The following SASH3 variants were observed in gnomAD, a reference collection of about 807,000 sequenced individuals.
SASH3 encodes the protein SAM and SH3 domain containing 3, also known as SAM and SH3 domain-containing protein 3.
In SASH3, 7 loss-of-function variants were observed where a neutral mutation model predicts 26.1. The ratio of observed to expected loss-of-function variants is 0.27; its 90% confidence interval spans 0.15 to 0.50. The LOEUF (loss-of-function observed/expected upper bound fraction) is 0.50. SASH3 is among the 20% of genes least tolerant of loss of function. The pLI is 0.98. For synonymous variants in SASH3, 138 were observed against 136.8 expected (o/e 1.01, Z -0.06); for missense variants, 231 against 318.3 (o/e 0.73, Z 2.09).
chrX:129,781,278 G>C (rs1016589208), intron 1 of SASH3, among the ~76,000 whole-genome samples: 1 of 111,991 alleles, frequency 8.9e-6, no homozygotes, highest in African/African-American at 3.3e-5. Context: ...CGGGGCAGTG[G>C]GGTGTGCATC....
In SASH3 at chrX:129,793,867, G is replaced by A. The variant is rs1290357115; in HGVS notation, c.*35G>A. ...GGCAATAGGCCAAGGCTGGGACCCA[G>A]CTGCAAAGGCTGTAGGAGTGGGCCC... On this transcript the variant is annotated 3_prime_UTR_variant, in exon 8 of 8. Transcript: ENST00000356892. 1 of 1,128,610 alleles carries A rather than the reference G, an allele frequency of 8.9e-7. No homozygotes were observed. Among genetic ancestry groups the A allele is most frequent in the East Asian group, 3.3e-5 (1 of 30,571 alleles). 93.0% of individuals were successfully genotyped at this position (1,128,610 alleles called of 1,213,427 possible).
At position 129,790,962 on chromosome X, in the gene SASH3, C is replaced by A; in HGVS notation, c.323C>A (p.Ser108Tyr). ...CAGGCAGACACTCTGGAGGAGGGCTCTGCCTCCCCGACATCTCCAGACTAC... is the reference window on the plus strand; with the variant it reads ...CAGGCAGACACTCTGGAGGAGGGCTATGCCTCCCCGACATCTCCAGACTAC... Reference protein sequence around the residue: ...EEMADTLEEGSASPTSPDYSL... With the variant: ...EEMADTLEEGYASPTSPDYSL... Residue 108 changes from serine (S) to tyrosine (Y), a missense_variant, in exon 4 of 8, where the codon TCT becomes TAT. By Grantham distance (144) the Ser-to-Tyr change is moderately radical (BLOSUM62 -2). Coordinates refer to ENST00000356892, the MANE Select transcript of SASH3 (RefSeq NM_018990.4). 1 of 1,211,634 alleles carries A rather than the reference C, an allele frequency of 8.3e-7. No homozygotes were observed. The highest frequency in any genetic ancestry group is 1.1e-6 in the Non-Finnish European group (1 of 895,362).
chrX:129,794,982 G>C lies in SASH3; in HGVS notation c.*1150G>C, dbSNP rs764362730. 2 of 111,489 alleles carry C rather than the reference G, an allele frequency of 1.8e-5. No individual in the cohort carries two copies. The highest frequency in any genetic ancestry group is 3.8e-5 in the Non-Finnish European group (2 of 53,089). The allele number at this position is 111,489 out of a possible 1,213,427, so 9.2% of individuals were successfully genotyped here. ...TGGGGGCCTCCCTTGACCCCAGTAC[G>C]AAGTCTATGCCCTGAATCCCCAGAG... On this transcript the variant is annotated 3_prime_UTR_variant, in exon 8 of 8. Coordinates refer to ENST00000356892, the MANE Select transcript of SASH3 (RefSeq NM_018990.4).
intron 3 of SASH3, among the ~76,000 whole-genome samples, chrX:129,790,625 G>A (rs1011156535): frequency 9.0e-6 from 1 of 111,219 alleles, no homozygotes; most frequent in African/African-American, 3.3e-5. Context: ...CCAGTTGTGC[G>A]GTAGCAATGG....
rs763181085 is a variant in SASH3, at chrX:129,781,381, G to A, written c.57+1227G>A. Among the ~76,000 whole-genome samples the A allele has an allele frequency of 1.1e-4, 12 of 111,653 alleles. No homozygotes were observed. The South Asian group carries it at 1.1e-3, about 10-fold the overall frequency. ...CTCTAAGGTTGCAGTGGTGGTGGGC[G>A]GGGGAGGGGGGAGGTTCATGAATCT... On this transcript the variant is annotated intron_variant, in intron 1 of 7. Transcript: ENST00000356892.
At chrX:129,784,986 A>G (rs1051762858) in intron 1 of SASH3, among the ~76,000 whole-genome samples, 1 of 110,109 alleles carries the variant, frequency 9.1e-6, no homozygotes, top group Non-Finnish European at 1.9e-5. Flanking sequence ...TTTCAAATGT[A>G]ATATACAATA....
chrX:129,789,912 A>G (rs1469571847), intron 3 of SASH3, among the ~76,000 whole-genome samples: 1 of 111,809 alleles, frequency 8.9e-6, no homozygotes, highest in East Asian at 2.8e-4. Flanking sequence ...ATCAAATTAA[A>G]GAAACTTACA....
At chrX:129,788,137 G>GGGGGGGGGGTGGC in intron 2 of SASH3, 67 bp downstream of exon 2, 1 of 354,270 alleles carries the variant, frequency 2.8e-6, no homozygotes. Context: ...GGGTGGGAGG[G>GGGGGGGGGGTGGC]AAGAGGGTGA....
At chrX:129,781,579 G>A (rs888907388) in intron 1 of SASH3, among the ~76,000 whole-genome samples, 2 of 112,516 alleles carry the variant, frequency 1.8e-5, no homozygotes, top group Non-Finnish European at 3.8e-5. Context: ...CCACAGGGGC[G>A]CTGAGCTGGA....
Position 129,788,560 on chromosome X carries a change from G to T in SASH3, c.283G>T (p.Ala95Ser), listed in dbSNP as rs1185978448. The T allele has an allele frequency of 1.7e-6, 2 of 1,211,840 alleles. No homozygotes were observed. Among genetic ancestry groups the T allele is most frequent in the South Asian group, 1.8e-5 (1 of 57,007 alleles). ...GAAGATGGGCAAGATGATGGTGAAG[G>T]CCCTGTCAGAAGAGATGGTGAGGCC... is the stretch of plus-strand genomic sequence containing the variant. ...NRKMGKMMVK[A>S]LSEEMADTLE... The change falls in exon 3 of 8, where the codon GCC becomes TCC. Residue 95 changes from alanine to serine, a missense_variant. By Grantham distance (99) the Ala-to-Ser change is moderately conservative. Coordinates refer to ENST00000356892, the MANE Select transcript of SASH3 (RefSeq NM_018990.4).
chrX:129,780,543 C>A lies in SASH3; in HGVS notation c.57+389C>A, dbSNP rs1241345699. Among the ~76,000 whole-genome samples the A allele has an allele frequency of 1.8e-5, 2 of 112,865 alleles. 1 individual carries two copies. The highest frequency in any genetic ancestry group is 9.2e-3 in the Middle Eastern group (2 of 218). On this transcript the variant is annotated intron_variant, in intron 1 of 7. Transcript: ENST00000356892. ...TACGCTGGTCCTGCTGCCACTTCTG[C>A]CCCGGCCACGGCCTCTCAGGAGCCA... is the stretch of plus-strand genomic sequence containing the variant.
intron 2 of SASH3, 67 bp downstream of exon 2, chrX:129,788,137 G>GGGGGGGGCTGGC: frequency 1.1e-5 from 4 of 354,270 alleles, no homozygotes; most frequent in East Asian, 6.3e-5. Context: ...GGGTGGGAGG[G>GGGGGGGGCTGGC]AAGAGGGTGA....
chrX:129,788,071 G>A lies in SASH3; in HGVS notation c.153+1G>A. On this transcript the variant is annotated splice_donor_variant, in intron 2 of 7. Coordinates refer to ENST00000356892, the MANE Select transcript of SASH3 (RefSeq NM_018990.4). LOFTEE classifies it high-confidence loss of function. ...GAAGGAGTTTAATCTGGATGATAAC[G>A]TGAGTTTCAGGGCATCCTTGTGGGA... 4 of 1,073,438 alleles carry A rather than the reference G, an allele frequency of 3.7e-6. No homozygotes were observed. The highest frequency in any genetic ancestry group is 5.0e-6 in the Non-Finnish European group (4 of 801,371). The allele number at this position is 1,073,438 out of a possible 1,213,427, so 88.5% of individuals were successfully genotyped here.
chrX:129,793,045 G>C lies in SASH3; in HGVS notation c.858G>C (p.Glu286Asp), dbSNP rs758452425. The C allele has an allele frequency of 8.3e-7, 1 of 1,211,608 alleles. No individual in the cohort carries two copies. The highest frequency in any genetic ancestry group is 1.1e-6 in the Non-Finnish European group (1 of 895,471). Residue 286 changes from glutamate (E) to aspartate (D), a missense_variant, in exon 7 of 8, where the codon GAG becomes GAC. By Grantham distance (45) the Glu-to-Asp change is conservative. Coordinates refer to ENST00000356892, the MANE Select transcript of SASH3 (RefSeq NM_018990.4). ...ACCAGACACTGGAAGACTTCAAAGA[G>C]CTGCGAGAAACACACCTCAATGAGC... Reference protein sequence around the residue: ...NGYQTLEDFKELRETHLNELN... With the variant: ...NGYQTLEDFKDLRETHLNELN...
At chrX:129,791,941 A>G (rs1175479332) in intron 4 of SASH3, among the ~76,000 whole-genome samples, 1 of 112,026 alleles carries the variant, frequency 8.9e-6, no homozygotes, top group Non-Finnish European at 1.9e-5. Context: ...GGACTGACTC[A>G]GTGCTGCCAG....
In SASH3 at chrX:129,793,024, G is replaced by A. The variant is rs748227375; in HGVS notation, c.837G>A (p.Gln279=). The A allele has an allele frequency of 4.1e-6, 5 of 1,211,660 alleles. No individual in the cohort carries two copies. Among genetic ancestry groups the A allele is most frequent in the Non-Finnish European group, 5.6e-6 (5 of 895,504 alleles). The change falls in exon 7 of 8, where the codon CAG becomes CAA. Residue 279 remains glutamine, a synonymous_variant. Transcript: ENST00000356892. Reference sequence around the variant, plus strand: ...CCACCCTCCTGCTCAATGGCTACCAGACACTGGAAGACTTCAAAGAGCTGC... The same window carrying A: ...CCACCCTCCTGCTCAATGGCTACCAAACACTGGAAGACTTCAAAGAGCTGC... The part of the protein sequence containing the change: ...HTSTLLLNGY[Q]TLEDFKELRE...
At chrX:129,780,195 C>A in intron 1 of SASH3, 41 bp downstream of exon 1, 1 of 1,120,961 alleles carries the variant, frequency 8.9e-7, no homozygotes, top group Non-Finnish European at 1.2e-6. Context: ...CTTTCCTCTG[C>A]TTGCTCGACC....
At chrX:129,792,960 C>T in intron 6 of SASH3, 29 bp from the exon 7 acceptor site, 3 of 1,210,094 alleles carry the variant, frequency 2.5e-6, no homozygotes, top group Non-Finnish European at 3.4e-6. Flanking sequence ...TGGTAAGCAG[C>T]TGTGCCGATG....
chrX:129,782,405 G>A (rs985720726), intron 1 of SASH3, among the ~76,000 whole-genome samples: 5 of 112,308 alleles, frequency 4.5e-5, no homozygotes, highest in Non-Finnish European at 7.5e-5. Context: ...ATAGTACTAA[G>A]AGCCACCACA....
Sources: gnomAD v4.1 joint callset for allele counts (sites outside exome capture counted in the v4.1 genomes callset) on GRCh38, gnomAD v4.1.1 for gene constraint, MANE v1.5 for transcripts, NCBI Gene and HGNC (gene_info 2026-07-23, HGNC 2026-07-21) for gene names.